Variants in ANXA8 observed in about 807,000 individuals in gnomAD.
ANXA8 encodes the protein VAC-beta.
Under a neutral mutation model 26.8 loss-of-function variants are expected in ANXA8, and 9 were observed. The observed-to-expected ratio is 0.34, with a 90% CI of 0.20 to 0.59. The LOEUF (loss-of-function observed/expected upper bound fraction) is 0.59. ANXA8 is among the 20% of genes least tolerant of loss of function. The probability of loss-of-function intolerance (pLI) is 0.84; values close to 1 mark genes in which losing one functional copy is unlikely to be tolerated. For synonymous variants in ANXA8, 39 were observed against 94.8 expected (o/e 0.41, Z 3.42); for missense variants, 83 against 238.5 (o/e 0.35, Z 4.29).
At chr10:47,669,196 G>T in the ANXA8 span, among the ~76,000 whole-genome samples, 1 of 151,676 alleles carries the variant, frequency 6.6e-6, no homozygotes, top group Non-Finnish European at 1.5e-5. Context: ...GGAAGGTACT[G>T]AGAGATTGAG....
At chr10:47,768,685 G>A in the ANXA8 span, among the ~76,000 whole-genome samples, 1 of 151,652 alleles carries the variant, frequency 6.6e-6, no homozygotes, top group Non-Finnish European at 1.5e-5. Context: ...CTGCCCTCCA[G>A]CCCAGAGAGT....
the ANXA8 span, among the ~76,000 whole-genome samples, chr10:47,918,356 G>GGAGAGAGAGAGA: frequency 2.8e-4 from 5 of 17,744 alleles, 1 homozygote; most frequent in African/African-American, 1.0e-3. Context: ...GGGGAGGGAG[G>GGAGAGAGAGAGA]GAGAGAGAGA....
chr10:47,649,337 C>A, the ANXA8 span, among the ~76,000 whole-genome samples: 3 of 151,688 alleles, frequency 2.0e-5, no homozygotes, highest in Non-Finnish European at 4.4e-5. Context: ...CACCATTTAA[C>A]CCTTGTCCCC....
the ANXA8 span, among the ~76,000 whole-genome samples, chr10:47,948,993 C>G: frequency 1.4e-5 from 2 of 139,738 alleles, no homozygotes; most frequent in African/African-American, 5.6e-5. Flanking sequence ...ACTGAAGTAT[C>G]AGCTTTTTAT....
the ANXA8 span, among the ~76,000 whole-genome samples, chr10:47,723,763 C>T: frequency 9.5e-4 from 115 of 121,630 alleles, 3 homozygotes; most frequent in African/African-American, 3.3e-3. Context: ...CTCCTCCAGG[C>T]TCCAGTAGTC....
the ANXA8 span, among the ~76,000 whole-genome samples, chr10:47,497,109 T>C: frequency 2.7e-5 from 4 of 150,562 alleles, no homozygotes; most frequent in Non-Finnish European, 5.9e-5. Flanking sequence ...TCACCTGAGG[T>C]CAGGAGTTCA....
the ANXA8 span, among the ~76,000 whole-genome samples, chr10:47,733,155 T>TTC: frequency 1.1e-5 from 1 of 92,120 alleles, no homozygotes; most frequent in South Asian, 4.2e-4. Context: ...CTTTCTTTCT[T>TTC]TCTTTCTTTC....
At chr10:47,508,123 G>A in the ANXA8 span, among the ~76,000 whole-genome samples, 2 of 121,042 alleles carry the variant, frequency 1.7e-5, 1 homozygote, top group African/African-American at 6.1e-5. Flanking sequence ...GGAGTGCAAT[G>A]GTGTGATCTC....
the ANXA8 span, among the ~76,000 whole-genome samples, chr10:47,702,740 C>T: frequency 3.3e-5 from 5 of 151,882 alleles, no homozygotes; most frequent in African/African-American, 1.2e-4. Flanking sequence ...CTCAAGCCAG[C>T]CTCCCACTTC....
the ANXA8 span, among the ~76,000 whole-genome samples, chr10:47,665,885 T>G: frequency 1.3e-5 from 2 of 151,860 alleles, no homozygotes; most frequent in African/African-American, 4.9e-5. Flanking sequence ...GAGAGCACAA[T>G]CTGTGCATAA....
chr10:47,679,980 T>G, the ANXA8 span, among the ~76,000 whole-genome samples: 3 of 147,842 alleles, frequency 2.0e-5, no homozygotes, highest in East Asian at 2.0e-4. Flanking sequence ...CGGTTTTTTG[T>G]TTTTTTTTTT....
At chr10:47,778,087 G>A in the ANXA8 span, among the ~76,000 whole-genome samples, 1 of 151,952 alleles carries the variant, frequency 6.6e-6, no homozygotes, top group East Asian at 1.9e-4. Context: ...TTTGTGGCTA[G>A]TTATCCTCTG....
At chr10:47,703,939 A>T in the ANXA8 span, among the ~76,000 whole-genome samples, 1 of 144,332 alleles carries the variant, frequency 6.9e-6, no homozygotes, top group African/African-American at 2.4e-5. Context: ...CACTGGAGAA[A>T]CCCAAAGGGA....
At chr10:47,592,346 C>T in the ANXA8 span, among the ~76,000 whole-genome samples, 2 of 150,188 alleles carry the variant, frequency 1.3e-5, no homozygotes, top group Admixed American at 6.6e-5. Context: ...GGTGCCCATC[C>T]CACAAGCCTC....
chr10:47,557,945 C>T, the ANXA8 span, among the ~76,000 whole-genome samples: 3 of 152,018 alleles, frequency 2.0e-5, no homozygotes, highest in Admixed American at 1.3e-4. Flanking sequence ...AAGCTAGTTT[C>T]TGCTTTTGAT....
chr10:47,947,936 CAT>C, the ANXA8 span, among the ~76,000 whole-genome samples: 1 of 150,912 alleles, frequency 6.6e-6, no homozygotes, highest in African/African-American at 2.5e-5. Flanking sequence ...TTTCAGAGCT[CAT>C]GTGGGACATG....
chr10:47,660,786 G>T, the ANXA8 span, among the ~76,000 whole-genome samples: 11 of 104,478 alleles, frequency 1.1e-4, no homozygotes, highest in Non-Finnish European at 1.3e-4. Flanking sequence ...TTTTTTCCAT[G>T]TTGTCTTTCT....
chr10:47,700,745 A>G, the ANXA8 span, among the ~76,000 whole-genome samples: 1 of 151,308 alleles, frequency 6.6e-6, no homozygotes, highest in Admixed American at 6.6e-5. Flanking sequence ...TGTAACATAC[A>G]ACAAAAGGCT....
At chr10:47,626,490 T>A in the ANXA8 span, among the ~76,000 whole-genome samples, 1 of 150,114 alleles carries the variant, frequency 6.7e-6, no homozygotes, top group Non-Finnish European at 1.5e-5. Context: ...TTTAATTGAA[T>A]ACAAAATCTT....
Sources: allele counts gnomAD v4.1 joint callset (sites outside exome capture counted in the v4.1 genomes callset), GRCh38; gene constraint gnomAD v4.1.1; transcripts MANE v1.5; gene names NCBI Gene and HGNC (gene_info 2026-07-23, HGNC 2026-07-21).